GPR19: variants seen among roughly 807,000 people sequenced by gnomAD.
GPR19 encodes probable G protein-coupled receptor 19.
Under a neutral mutation model 28.5 loss-of-function variants are expected in GPR19, and 14 were observed. That is an observed-to-expected ratio of 0.49 (90% CI 0.32 to 0.77). The LOEUF is 0.77. Ranked by LOEUF, GPR19 falls within the 30% of genes least tolerant of loss-of-function variation. The pLI, the probability that GPR19 is intolerant of heterozygous loss-of-function variation, is 0.03. For synonymous variants in GPR19, 173 were observed against 184.1 expected, an observed-to-expected ratio of 0.94 and a Z score of 0.49; for missense variants, 409 against 504.1, an observed-to-expected ratio of 0.81 and a Z score of 1.81.
At chr12:12,715,735 A>G in the GPR19 span, 1 of 152,270 alleles carries the variant, frequency 6.6e-6, no homozygotes, top group Admixed American at 6.5e-5. Context: ...ACTTGCATCT[A>G]GTCCTGACTC....
At chr12:12,668,087 G>A (rs1245441989) in intron 3 of GPR19, among the ~76,000 whole-genome samples, 1 of 152,152 alleles carries the variant, frequency 6.6e-6, no homozygotes, top group Non-Finnish European at 1.5e-5. Context: ...ACATTGTGAA[G>A]ATATTTATAT....
chr12:12,670,792 G>T (rs897690412), intron 3 of GPR19, among the ~76,000 whole-genome samples: 6 of 152,266 alleles, frequency 3.9e-5, no homozygotes, highest in African/African-American at 1.4e-4. Flanking sequence ...AAGGGTAAAT[G>T]GCTTTTGTGA....
At chr12:12,716,611 T>C in the GPR19 span, 1 of 180,992 alleles carries the variant, frequency 5.5e-6, no homozygotes, top group South Asian at 3.0e-4. Context: ...CTAGAGTTTT[T>C]TGTTTTTTTT....
chr12:12,715,832 A>C, the GPR19 span: 1 of 152,236 alleles, frequency 6.6e-6, no homozygotes, highest in Non-Finnish European at 1.5e-5. Flanking sequence ...GTTAAACCAC[A>C]GGGTCCCGAG....
At chr12:12,672,269 A>G (rs745921217) in intron 3 of GPR19, among the ~76,000 whole-genome samples, 33 of 152,132 alleles carry the variant, frequency 2.2e-4, no homozygotes, top group Non-Finnish European at 5.9e-5. Context: ...TTTGGGGGTG[A>G]CCACCCCCAC....
rs1167767772 is a variant in GPR19 at position 12,682,379 on chromosome 12, C to G, written c.-23+1972G>C. On this transcript the variant is annotated intron_variant, in intron 3 of 3. Coordinates refer to ENST00000651487, the MANE Select transcript of GPR19 (RefSeq NM_006143.3). Reference sequence around the variant, plus strand: ...ACTACACATGTGTCTCCTCACTGTCCTCTCTATAAATACATGCAAAATAAA... The same window carrying G: ...ACTACACATGTGTCTCCTCACTGTCGTCTCTATAAATACATGCAAAATAAA... 3.9e-5 allele frequency among the ~76,000 whole-genome samples: 6 copies of G among 152,254 alleles called. No individual in the cohort carries two copies. The East Asian group carries it at 9.7e-4, about 25-fold the overall frequency.
At chr12:12,674,773 A>C (rs927867682) in intron 3 of GPR19, among the ~76,000 whole-genome samples, 3 of 152,242 alleles carry the variant, frequency 2.0e-5, no homozygotes, top group African/African-American at 7.2e-5. Flanking sequence ...AGAATGTACT[A>C]TGTTAATAAT....
intron 3 of GPR19, among the ~76,000 whole-genome samples, chr12:12,665,840 AAAAAAAAAG>A (rs1945768198): frequency 6.7e-6 from 1 of 149,814 alleles, no homozygotes; most frequent in African/African-American, 2.4e-5. Context: ...AAAAAAAAAA[AAAAAAAAAG>A]AAAACAAAGA....
the GPR19 span, chr12:12,717,118 CTTAATT>C: frequency 2.0e-6 from 2 of 1,013,910 alleles, no homozygotes; most frequent in African/African-American, 1.7e-5. Context: ...GTTTGTTTGT[CTTAATT>C]TTAATTTCTC....
chr12:12,682,702 A>C (rs114111670), intron 3 of GPR19, among the ~76,000 whole-genome samples: 1 of 152,334 alleles, frequency 6.6e-6, no homozygotes, highest in African/African-American at 2.4e-5. Flanking sequence ...GTACTGCGCA[A>C]TGAAACCCTG....
At chr12:12,667,222 T>G in intron 3 of GPR19, among the ~76,000 whole-genome samples, 1 of 152,198 alleles carries the variant, frequency 6.6e-6, no homozygotes, top group East Asian at 1.9e-4. Flanking sequence ...CCCAGCCAGT[T>G]CTGAGACTAC....
intron 2 of GPR19, among the ~76,000 whole-genome samples, 196 bp from the exon 3 acceptor site, chr12:12,684,703 C>G (rs1454152039): frequency 6.6e-6 from 1 of 152,152 alleles, no homozygotes; most frequent in Non-Finnish European, 1.5e-5. Flanking sequence ...CTTTCAGGAG[C>G]AAAGCAGCAG....
intron 3 of GPR19, among the ~76,000 whole-genome samples, chr12:12,676,900 ATGTT>A (rs1297880114): frequency 2.0e-5 from 3 of 152,208 alleles, no homozygotes; most frequent in African/African-American, 7.2e-5. Flanking sequence ...TTGGAGGTAA[ATGTT>A]TGGTTTCATT....
intron 3 of GPR19, among the ~76,000 whole-genome samples, chr12:12,677,359 C>A (rs1267079699): frequency 3.3e-5 from 5 of 151,972 alleles, no homozygotes; most frequent in Admixed American, 6.6e-5. Context: ...GGCATGTGCA[C>A]CACGTGCAGC....
Position 12,661,393 on chromosome 12 carries a change from A to G in GPR19, c.1056T>C (p.Cys352=). The G allele has an allele frequency of 1.2e-6, 2 of 1,613,794 alleles. No individual in the cohort carries two copies. The highest frequency in any genetic ancestry group is 1.7e-6 in the Non-Finnish European group (2 of 1,179,666). ...TGATAGTATAGGCATTGCTTCGGTA[A>G]CATTTCATAGAGGACATGCAAAAAG... is the stretch of plus-strand genomic sequence containing the variant. ...KETFCMSSMK[C]YRSNAYTITT... is the part of the protein sequence containing the mutation. The change falls in exon 4 of 4, where the codon TGT becomes TGC. Residue 352 remains cysteine, a synonymous_variant. Transcript: ENST00000651487. This position sits in a 1 kb window ranked among gnomAD's most constrained non-coding sequence, Gnocchi z 4.2.
intron 3 of GPR19, among the ~76,000 whole-genome samples, chr12:12,665,811 C>A (rs1399162550): frequency 2.9e-5 from 3 of 104,178 alleles, no homozygotes; most frequent in South Asian, 3.2e-4. Context: ...CAAAGCCAGA[C>A]TCCGTCTCAA....
chr12:12,708,991 T>C, the GPR19 span, among the ~76,000 whole-genome samples: 2 of 150,718 alleles, frequency 1.3e-5, no homozygotes, highest in Admixed American at 6.6e-5. Flanking sequence ...GAAGTTGCAG[T>C]GAGCCAAGAT....
At chr12:12,685,385 C>G (rs1171686072) in intron 2 of GPR19, among the ~76,000 whole-genome samples, 2 of 151,414 alleles carry the variant, frequency 1.3e-5, no homozygotes, top group Non-Finnish European at 2.9e-5. Flanking sequence ...GTGTACAAGT[C>G]TAGATGTCAT....
chr12:12,712,166 TCCTTTCTCTGCCA>T, the GPR19 span, among the ~76,000 whole-genome samples: 1 of 152,180 alleles, frequency 6.6e-6, no homozygotes, highest in Non-Finnish European at 1.5e-5. Flanking sequence ...GCAGACTGCC[TCCTTTCTCTGCCA>T]AGCCCTGTCC....
Sources: allele counts gnomAD v4.1 joint callset (sites outside exome capture counted in the v4.1 genomes callset), GRCh38; gene constraint gnomAD v4.1.1; non-coding constraint Gnocchi (gnomAD v3.1); transcripts MANE v1.5; gene names NCBI Gene and HGNC (gene_info 2026-07-23, HGNC 2026-07-21).